The following ANKFN1 variants were observed in gnomAD, a reference collection of about 807,000 sequenced individuals.
ANKFN1 encodes ankyrin repeat and fibronectin type-III domain-containing protein 1.
ANKFN1 carries 74 observed loss-of-function variants against 108.7 expected under a neutral mutation model. The ratio of observed to expected loss-of-function variants is 0.68; its 90% CI spans 0.56 to 0.83. ANKFN1 has a LOEUF of 0.83. ANKFN1 is among the 40% of genes least tolerant of loss of function. The pLI is 0.00. For missense variants in ANKFN1, 1,505 were observed against 1,382.3 expected, an observed-to-expected ratio of 1.09 and a Z score of -1.41; for synonymous variants, 547 against 516.2, an observed-to-expected ratio of 1.06 and a Z score of -0.81.
chr17:56,258,504 G>A (rs1194231442), intron 3 of ANKFN1: 1 of 152,206 alleles, frequency 6.6e-6, no homozygotes, highest in Non-Finnish European at 1.5e-5. Context: ...TGTGCACCTG[G>A]AGCCTGTTTA....
intron 3 of ANKFN1, among the ~76,000 whole-genome samples, chr17:56,322,723 C>T (rs1176058215): frequency 6.6e-6 from 1 of 152,188 alleles, no homozygotes; most frequent in Non-Finnish European, 1.5e-5. Context: ...TCAAACGCCA[C>T]CTTCTCTGTG....
intron 4 of ANKFN1, among the ~76,000 whole-genome samples, chr17:56,331,175 C>G (rs922886058): frequency 2.0e-5 from 3 of 152,162 alleles, no homozygotes; most frequent in African/African-American, 7.2e-5. Context: ...TAGAGCTTCT[C>G]AAATCATAGT....
intron 8 of ANKFN1, among the ~76,000 whole-genome samples, chr17:56,402,676 T>G (rs1296189795): frequency 6.6e-6 from 1 of 152,060 alleles, no homozygotes; most frequent in East Asian, 1.9e-4. Flanking sequence ...TTTTGTTTGT[T>G]TGTTTGTTTG....
intron 18 of ANKFN1, among the ~76,000 whole-genome samples, chr17:56,490,359 G>A (rs1487193421): frequency 6.6e-6 from 1 of 152,156 alleles, no homozygotes; most frequent in Non-Finnish European, 1.5e-5. Context: ...TGACCTGGAG[G>A]TATTAGTAAA....
chr17:56,126,724 T>G lies in ANKFN1; in HGVS notation c.288+80399T>G, dbSNP rs577851516. Among the ~76,000 whole-genome samples the G allele has an allele frequency of 2.0e-5, 3 of 152,356 alleles. No homozygotes were observed. The East Asian group carries it at 5.8e-4, about 29-fold the overall frequency. On this transcript the variant is annotated intron_variant, in intron 4 of 12. Transcript: ENST00000635860. ...TCTCCAGGACCAAAAGGGGGCACTCTTAGCACTTGCTCCCAAGCCCAATCA... is the reference window on the plus strand; with the variant it reads ...TCTCCAGGACCAAAAGGGGGCACTCGTAGCACTTGCTCCCAAGCCCAATCA...
intron 15 of ANKFN1, among the ~76,000 whole-genome samples, chr17:56,475,112 T>C (rs2050454719): frequency 6.6e-6 from 1 of 152,218 alleles, no homozygotes; most frequent in Non-Finnish European, 1.5e-5. Context: ...AGAAAAGTAC[T>C]GGGTACTAAG....
intron 4 of ANKFN1, among the ~76,000 whole-genome samples, chr17:56,336,183 T>TG (rs1324610950): frequency 6.6e-6 from 1 of 152,176 alleles, no homozygotes; most frequent in African/African-American, 2.4e-5. Flanking sequence ...TCTCTTTTTT[T>TG]GTTGTGTCTC....
chr17:56,422,888 G>C (rs1019655624), intron 8 of ANKFN1, among the ~76,000 whole-genome samples: 4 of 152,196 alleles, frequency 2.6e-5, no homozygotes, highest in Non-Finnish European at 5.9e-5. Context: ...TAGACCACGT[G>C]CTTGGTCTGT....
intron 20 of ANKFN1, among the ~76,000 whole-genome samples, chr17:56,503,503 A>ATATATATATG (rs2051447881): frequency 7.7e-6 from 1 of 129,660 alleles, no homozygotes; most frequent in Non-Finnish European, 1.5e-5. Context: ...ATATATATAT[A>ATATATATATG]TATATATATA....
At chr17:56,135,842 A>G (rs1907570537) in intron 4 of ANKFN1, among the ~76,000 whole-genome samples, 1 of 152,216 alleles carries the variant, frequency 6.6e-6, no homozygotes, top group Non-Finnish European at 1.5e-5. Context: ...AATGAACATA[A>G]TAGAAAGTAA....
intron 8 of ANKFN1, among the ~76,000 whole-genome samples, chr17:56,390,164 A>G (rs1331403416): frequency 1.3e-5 from 2 of 151,968 alleles, no homozygotes; most frequent in Non-Finnish European, 2.9e-5. Context: ...CCCCACATGC[A>G]TTACGTATTT....
chr17:56,194,292 T>A (rs1913292849), intron 1 of ANKFN1, among the ~76,000 whole-genome samples: 1 of 152,144 alleles, frequency 6.6e-6, no homozygotes, highest in Non-Finnish European at 1.5e-5. Flanking sequence ...GAAACTTATA[T>A]CCACACAAAA....
intron 4 of ANKFN1, among the ~76,000 whole-genome samples, chr17:56,140,346 C>A (rs1172425360): frequency 6.6e-6 from 1 of 152,148 alleles, no homozygotes; most frequent in African/African-American, 2.4e-5. Flanking sequence ...ACTGCATAGT[C>A]TTTCAGCTTG....
chr17:56,334,530 A>G (rs768005316), intron 4 of ANKFN1, among the ~76,000 whole-genome samples: 11 of 152,110 alleles, frequency 7.2e-5, no homozygotes, highest in Non-Finnish European at 1.3e-4. Context: ...ACTAATATTT[A>G]TTGAACACCT....
At chr17:56,270,531 G>A (rs187327128) in intron 3 of ANKFN1, among the ~76,000 whole-genome samples, 2 of 152,310 alleles carry the variant, frequency 1.3e-5, no homozygotes, top group Admixed American at 1.3e-4. Flanking sequence ...CCCCCTCCTA[G>A]TTGGTGGCTC....
intron 4 of ANKFN1, among the ~76,000 whole-genome samples, chr17:56,074,880 A>G (rs995068750): frequency 5.3e-5 from 8 of 152,248 alleles, no homozygotes; most frequent in Non-Finnish European, 1.0e-4. Flanking sequence ...AGAGCGGAGC[A>G]GAGCCAGCCA....
chr17:56,467,842 GAAAGAAAGAAAAAGGGAAA>G, intron 15 of ANKFN1, among the ~76,000 whole-genome samples: 1 of 50,818 alleles, frequency 2.0e-5, no homozygotes, highest in Non-Finnish European at 4.0e-5. Flanking sequence ...AAGAAAGAAA[GAAAGAAAGAAAAAGGGAAA>G]GAAAGAAAGA....
At chr17:56,369,027 G>A (rs1464809966) in intron 6 of ANKFN1, among the ~76,000 whole-genome samples, 1 of 152,208 alleles carries the variant, frequency 6.6e-6, no homozygotes, top group Non-Finnish European at 1.5e-5. Context: ...CGGGTTAGGG[G>A]AATGGAAGGA....
intron 4 of ANKFN1, among the ~76,000 whole-genome samples, chr17:56,128,044 C>A (rs998071309): frequency 2.6e-5 from 4 of 152,166 alleles, no homozygotes; most frequent in Admixed American, 2.6e-4. Context: ...AGCACCAGTC[C>A]TCTCCCCTTT....
Sources: allele counts gnomAD v4.1 joint callset (sites outside exome capture counted in the v4.1 genomes callset), GRCh38; gene constraint gnomAD v4.1.1; transcripts MANE v1.5; gene names NCBI Gene and HGNC (gene_info 2026-07-23, HGNC 2026-07-21).